STXBP5L: variants seen among roughly 807,000 people sequenced by gnomAD.
The protein encoded by STXBP5L is syntaxin-binding protein 5-like.
Under a neutral mutation model 144.5 loss-of-function variants are expected in STXBP5L, and 65 were observed. The ratio of observed to expected loss-of-function variants is 0.45; its 90% CI spans 0.37 to 0.55. STXBP5L has a LOEUF of 0.55. STXBP5L is among the 20% of genes least tolerant of loss of function. STXBP5L has a pLI of 0.00. For synonymous variants in STXBP5L, 505 were observed against 469.6 expected, an observed-to-expected ratio of 1.08 and a Z score of -0.97; for missense variants, 1,298 against 1,405.5, an observed-to-expected ratio of 0.92 and a Z score of 1.22.
intron 20 of STXBP5L, among the ~76,000 whole-genome samples, chr3:121,318,996 T>A (rs2043880738): frequency 6.6e-6 from 1 of 152,062 alleles, no homozygotes; most frequent in African/African-American, 2.4e-5. Context: ...GAATATGATA[T>A]GAAGCAAAAC....
At chr3:121,083,257 T>G (rs1380834825) in intron 5 of STXBP5L, among the ~76,000 whole-genome samples, 1 of 152,136 alleles carries the variant, frequency 6.6e-6, no homozygotes, top group African/African-American at 2.4e-5. Flanking sequence ...TCAGGGATAT[T>G]AGTCTGTAGT....
rs551587430 is a variant in STXBP5L at position 121,155,772 on chromosome 3, T to C, written c.754-1732T>C. Among the ~76,000 whole-genome samples the C allele has an allele frequency of 8.5e-5, 13 of 152,060 alleles. No homozygotes were observed. In the South Asian group the frequency reaches 2.7e-3, roughly 32 times the overall value. ...CTAATAACAAGTTGGTTTTACATGC[T>C]TGCTTTTCTAAACAATAAATATACT... is the stretch of plus-strand genomic sequence containing the variant. On this transcript the variant is annotated intron_variant, in intron 8 of 26. Coordinates refer to ENST00000471454, the MANE Select transcript of STXBP5L (RefSeq NM_001308330.2).
At position 121,089,644 on chromosome 3, in the gene STXBP5L, C is replaced by T. The variant is rs78968544; in HGVS notation, c.471-25281C>T. On this transcript the variant is annotated intron_variant, in intron 5 of 26. Transcript: ENST00000471454. ...TGCTCAGCTTCTTGCATTTTTTAGCCATTGTTTATTCAACTGCTTTTTCAG... is the reference window on the plus strand; with the variant it reads ...TGCTCAGCTTCTTGCATTTTTTAGCTATTGTTTATTCAACTGCTTTTTCAG... Among the ~76,000 whole-genome samples, 57 of 151,922 alleles carry T rather than the reference C, an allele frequency of 3.8e-4. No homozygotes were observed. In the East Asian group the frequency reaches 5.6e-3, roughly 15 times the overall value.
At chr3:121,146,198 C>T (rs550056035) in intron 7 of STXBP5L, among the ~76,000 whole-genome samples, 1 of 152,078 alleles carries the variant, frequency 6.6e-6, no homozygotes, top group East Asian at 1.9e-4. Context: ...TAATAAATTC[C>T]TTCTTATATA....
intron 7 of STXBP5L, among the ~76,000 whole-genome samples, chr3:121,135,436 T>C (rs544947912): frequency 1.3e-5 from 2 of 152,132 alleles, no homozygotes; most frequent in African/African-American, 2.4e-5. Context: ...CAAGTCACCA[T>C]AATGTAGAAT....
chr3:121,301,569 C>T (rs566346578), intron 19 of STXBP5L, among the ~76,000 whole-genome samples: 1 of 152,284 alleles, frequency 6.6e-6, no homozygotes, highest in African/African-American at 2.4e-5. Context: ...CTGGCCAGAA[C>T]TTCCAACACT....
intron 15 of STXBP5L, among the ~76,000 whole-genome samples, chr3:121,251,011 A>G (rs956780384): frequency 6.6e-6 from 1 of 152,152 alleles, no homozygotes. Context: ...TATATCTACA[A>G]GAGGCATGAT....
intron 20 of STXBP5L, among the ~76,000 whole-genome samples, chr3:121,320,029 A>G (rs969892771): frequency 1.1e-4 from 17 of 152,206 alleles, no homozygotes; most frequent in African/African-American, 4.1e-4. Context: ...GTATTTTCAT[A>G]TAACTTTTAT....
chr3:121,209,617 G>A (rs1264308978), intron 10 of STXBP5L, among the ~76,000 whole-genome samples: 2 of 151,232 alleles, frequency 1.3e-5, no homozygotes, highest in Non-Finnish European at 2.9e-5. Flanking sequence ...AGTGTGTGAT[G>A]TTCCCCTTCC....
At chr3:121,287,470 A>G (rs2051269531) in intron 19 of STXBP5L, among the ~76,000 whole-genome samples, 1 of 152,182 alleles carries the variant, frequency 6.6e-6, no homozygotes, top group African/African-American at 2.4e-5. Context: ...ATTTAAAATT[A>G]CCATTTACAA....
chr3:121,017,813 A>G (rs1185736822), intron 3 of STXBP5L, among the ~76,000 whole-genome samples: 2 of 152,294 alleles, frequency 1.3e-5, no homozygotes, highest in South Asian at 2.1e-4. Flanking sequence ...GTGATGGTTC[A>G]TGGCTGTAAT....
chr3:121,057,044 T>C (rs1352923208), intron 5 of STXBP5L, among the ~76,000 whole-genome samples: 1 of 151,262 alleles, frequency 6.6e-6, no homozygotes, highest in Non-Finnish European at 1.5e-5. Flanking sequence ...GCAAGATCTT[T>C]AGAATATATT....
intron 19 of STXBP5L, among the ~76,000 whole-genome samples, chr3:121,314,358 G>A (rs1246163347): frequency 1.5e-5 from 2 of 136,822 alleles, no homozygotes; most frequent in Admixed American, 7.4e-5. Flanking sequence ...TCGGGAGGCC[G>A]AGGCTGGCGG....
intron 3 of STXBP5L, among the ~76,000 whole-genome samples, chr3:120,998,166 C>T (rs1194941259): frequency 6.6e-6 from 1 of 152,142 alleles, no homozygotes; most frequent in Non-Finnish European, 1.5e-5. Context: ...CCCTTGAAAA[C>T]CACAACAAGA....
chr3:121,063,413 C>T (rs1360541214), intron 5 of STXBP5L, among the ~76,000 whole-genome samples: 1 of 152,168 alleles, frequency 6.6e-6, no homozygotes. Flanking sequence ...CTGGAGCTCT[C>T]CTGTATGAGG....
intron 10 of STXBP5L, among the ~76,000 whole-genome samples, chr3:121,222,299 C>T (rs2048997734): frequency 1.3e-5 from 2 of 152,006 alleles, no homozygotes; most frequent in African/African-American, 4.8e-5. Context: ...ATCTTAACCC[C>T]ACTCTATTAT....
chr3:121,338,297 G>A (rs1160925462), intron 20 of STXBP5L, among the ~76,000 whole-genome samples: 8 of 152,050 alleles, frequency 5.3e-5, no homozygotes. Flanking sequence ...AAAATTGGTA[G>A]ACTATTAGCT....
intron 21 of STXBP5L, 41 bp from the exon 22 acceptor site, chr3:121,381,252 T>C (rs1430552511): frequency 4.0e-6 from 6 of 1,512,798 alleles, no homozygotes; most frequent in Middle Eastern, 3.5e-4. Flanking sequence ...TGTGGAAATA[T>C]ACTAACAATT....
rs576556749 is a variant in STXBP5L at position 120,925,960 on chromosome 3, C to A, written c.189+16193C>A. ...GGAAAAAATCTCTATACTTTAACTC[C>A]CTCTTCCCTCATTTTGAATTTTGTT... On this transcript the variant is annotated intron_variant, in intron 2 of 26. Coordinates refer to ENST00000471454, the MANE Select transcript of STXBP5L (RefSeq NM_001308330.2). 6.6e-5 allele frequency among the ~76,000 whole-genome samples: 10 copies of A among 152,082 alleles called. No homozygotes were observed. The South Asian group carries it at 2.1e-3, about 32-fold the overall frequency.
Sources: gnomAD v4.1 joint callset for allele counts (sites outside exome capture counted in the v4.1 genomes callset) on GRCh38, gnomAD v4.1.1 for gene constraint, MANE v1.5 for transcripts, NCBI Gene and HGNC (gene_info 2026-07-23, HGNC 2026-07-21) for gene names.